The following SLCO3A1 variants were observed in gnomAD, a reference collection of about 807,000 sequenced individuals.
SLCO3A1 encodes the protein PGE1 transporter.
SLCO3A1 carries 27 observed loss-of-function variants against 63.1 expected under a neutral mutation model. That is an observed-to-expected ratio of 0.43 (90% CI 0.32 to 0.59). The LOEUF (loss-of-function observed/expected upper bound fraction) is 0.59, where lower values mean the gene tolerates loss of function less well. SLCO3A1 is among the 20% of genes least tolerant of loss of function. SLCO3A1 has a pLI of 0.09. For synonymous variants in SLCO3A1, 473 were observed against 409.9 expected, an observed-to-expected ratio of 1.15 and a Z score of -1.86; for missense variants, 773 against 945.8, an observed-to-expected ratio of 0.82 and a Z score of 2.40.
intron 2 of SLCO3A1, among the ~76,000 whole-genome samples, chr15:91,987,011 C>T (rs2046061670): frequency 6.6e-6 from 1 of 152,138 alleles, no homozygotes; most frequent in South Asian, 2.1e-4. Context: ...CAGGCAGGGA[C>T]ACAGGCAAGG....
chr15:92,007,333 T>G (rs12912997), intron 2 of SLCO3A1, among the ~76,000 whole-genome samples: 47,926 of 152,136 alleles, frequency 0.32, 7,814 homozygotes, highest in Admixed American at 0.39. Flanking sequence ...TGGCAGACTC[T>G]GAGCTTGAGT....
intron 2 of SLCO3A1, among the ~76,000 whole-genome samples, chr15:91,971,544 G>A (rs968284050): frequency 6.6e-6 from 1 of 151,974 alleles, no homozygotes; most frequent in Non-Finnish European, 1.5e-5. Flanking sequence ...CCCAAGCACA[G>A]TGCTGAAGAG....
At chr15:91,889,964 C>T (rs940014996) in intron 1 of SLCO3A1, among the ~76,000 whole-genome samples, 1 of 152,156 alleles carries the variant, frequency 6.6e-6, no homozygotes, top group African/African-American at 2.4e-5. Flanking sequence ...GCATTAATTT[C>T]TTGCTAGAAA....
intron 2 of SLCO3A1, among the ~76,000 whole-genome samples, chr15:91,935,192 T>C (rs561290543): frequency 6.6e-6 from 1 of 152,324 alleles, no homozygotes; most frequent in East Asian, 1.9e-4. Flanking sequence ...GACTTCGTGA[T>C]CTGCCCGCCT....
In SLCO3A1 at chr15:92,098,945, A is replaced by T. The variant is rs528857456; in HGVS notation, c.745+3966A>T. Reference sequence around the variant, plus strand: ...AGGTTAACAGTTTCCACAGCTAGGGATAGAGCAGGGATTCATCCCCAGGCC... The same window carrying T: ...AGGTTAACAGTTTCCACAGCTAGGGTTAGAGCAGGGATTCATCCCCAGGCC... On this transcript the variant is annotated intron_variant, in intron 3 of 9. Coordinates refer to ENST00000318445, the MANE Select transcript of SLCO3A1 (RefSeq NM_013272.4). 3.3e-5 allele frequency among the ~76,000 whole-genome samples: 5 copies of T among 152,348 alleles called. No individual in the cohort carries two copies. In the South Asian group the frequency reaches 1.0e-3, roughly 32 times the overall value.
chr15:92,074,158 T>G (rs1327786282), intron 2 of SLCO3A1, among the ~76,000 whole-genome samples: 1 of 152,044 alleles, frequency 6.6e-6, no homozygotes, highest in East Asian at 1.9e-4. Flanking sequence ...GCGACAAGAG[T>G]GAAACTCCTT....
intron 2 of SLCO3A1, among the ~76,000 whole-genome samples, chr15:91,991,225 G>A (rs1457592961): frequency 6.6e-6 from 1 of 152,026 alleles, no homozygotes; most frequent in Non-Finnish European, 1.5e-5. Context: ...CAAAAAATTA[G>A]GCAGGGTGGT....
chr15:91,904,943 A>G (rs1262511190), intron 1 of SLCO3A1, among the ~76,000 whole-genome samples: 9 of 152,250 alleles, frequency 5.9e-5, no homozygotes, highest in African/African-American at 2.2e-4. Flanking sequence ...AGGAATTTAC[A>G]TACAATGATT....
At position 91,872,304 on chromosome 15, in the gene SLCO3A1, G is replaced by A. The variant is rs55652427; in HGVS notation, c.180+18216G>A. Among the ~76,000 whole-genome samples, 3,594 of 152,248 alleles carry A rather than the reference G, an allele frequency of 0.024. 154 individuals carry two copies. The highest frequency in any genetic ancestry group is 0.082 in the African/African-American group (3,420 of 41,526). ...TCCCAGCACTTTGGGAAGCCAGTGC[G>A]GGCAGATCACGAGGTCAGGAGTTCG... On this transcript the variant is annotated intron_variant, in intron 1 of 9. Transcript: ENST00000318445. The surrounding 1 kb of genome is among the most constrained non-coding windows in gnomAD (Gnocchi z 4.1).
chr15:91,880,135 A>ATCCGTCCG (rs1567168670), intron 1 of SLCO3A1, among the ~76,000 whole-genome samples: 1 of 113,400 alleles, frequency 8.8e-6, no homozygotes, highest in African/African-American at 3.7e-5. Flanking sequence ...CCGTCCGTCC[A>ATCCGTCCG]TCCATCCATC....
chr15:92,058,901 T>G (rs1464209928), intron 2 of SLCO3A1, among the ~76,000 whole-genome samples: 1 of 152,214 alleles, frequency 6.6e-6, no homozygotes, highest in Admixed American at 6.5e-5. Context: ...CCTTCCCCTC[T>G]GTGCCTGTGT....
chr15:92,116,894 A>G (rs370839538), intron 4 of SLCO3A1, among the ~76,000 whole-genome samples: 5 of 148,928 alleles, frequency 3.4e-5, no homozygotes, highest in South Asian at 2.1e-4. Context: ...TGGTAGAGGG[A>G]AAAAAAAAGA....
At chr15:92,162,577 C>T in intron 9 of SLCO3A1, 179 bp from the exon 10 acceptor site, 1 of 994,176 alleles carries the variant, frequency 1.0e-6, no homozygotes, top group Non-Finnish European at 1.4e-6. Flanking sequence ...AGATTTGTAC[C>T]ATAATAAAAA....
rs1478710941 is a variant in SLCO3A1, at chr15:92,126,128, C to T, written c.1242C>T (p.Ser414=). The change falls in exon 6 of 10, where the codon AGC becomes AGT. Residue 414 remains serine, a synonymous_variant. Transcript: ENST00000318445. ...GAGGTCTTTTGGTGAAGAAGCTCAG[C>T]CTGTCTGCCCTGGGGGCCATTCGGA... ...FLGGLLVKKL[S]LSALGAIRMA... 1 of 1,614,026 alleles carries T rather than the reference C, an allele frequency of 6.2e-7. No individual in the cohort carries two copies.
chr15:92,120,179 T>G (rs1596118573), intron 4 of SLCO3A1, among the ~76,000 whole-genome samples: 3 of 152,288 alleles, frequency 2.0e-5, no homozygotes, highest in East Asian at 1.9e-4. Flanking sequence ...TAAAAAAATT[T>G]TACTGTGTCT....
chr15:92,131,596 G>A (rs2151571757), intron 7 of SLCO3A1, among the ~76,000 whole-genome samples: 1 of 145,152 alleles, frequency 6.9e-6, no homozygotes, highest in East Asian at 1.9e-4. Flanking sequence ...TTGAACTCCT[G>A]ACCTCAAGTG....
chr15:92,168,792 A>G (rs189080218), downstream of SLCO3A1, among the ~76,000 whole-genome samples: 1 of 152,366 alleles, frequency 6.6e-6, no homozygotes, highest in Non-Finnish European at 1.5e-5. Context: ...AATTGAAGGC[A>G]ACATTATTTT....
chr15:91,940,286 C>G (rs900828498), intron 2 of SLCO3A1, among the ~76,000 whole-genome samples: 1 of 152,092 alleles, frequency 6.6e-6, no homozygotes, highest in African/African-American at 2.4e-5. Flanking sequence ...TTCTGATACA[C>G]GTGCAATCCA....
In SLCO3A1 at chr15:91,954,239, A is replaced by G. The variant is rs1414076367; in HGVS notation, c.646+37781A>G. On this transcript the variant is annotated intron_variant, in intron 2 of 9. Transcript: ENST00000318445. This position sits in a 1 kb window ranked among gnomAD's most constrained non-coding sequence, Gnocchi z 4.7. Reference sequence around the variant, plus strand: ...AACCACGCACTGAGAATTCCATTGGATTAGAAGCTGTGCGGGTGCCCCTAC... The same window carrying G: ...AACCACGCACTGAGAATTCCATTGGGTTAGAAGCTGTGCGGGTGCCCCTAC... Among the ~76,000 whole-genome samples the G allele has an allele frequency of 6.6e-6, 1 of 152,142 alleles. No individual in the cohort carries two copies. The highest frequency in any genetic ancestry group is 1.9e-4 in the East Asian group (1 of 5,180).
Sources: allele counts gnomAD v4.1 joint callset (sites outside exome capture counted in the v4.1 genomes callset), GRCh38; gene constraint gnomAD v4.1.1; non-coding constraint Gnocchi (gnomAD v3.1); transcripts MANE v1.5; gene names NCBI Gene and HGNC (gene_info 2026-07-23, HGNC 2026-07-21).